The following CPQ variants were observed in gnomAD, a reference collection of about 807,000 sequenced individuals.
The protein encoded by CPQ is carboxypeptidase Q, also known as Ser-Met dipeptidase.
In CPQ, 37 loss-of-function variants were observed where a neutral mutation model predicts 45.7. That is an observed-to-expected ratio of 0.81 (90% CI 0.62 to 1.07). The LOEUF (loss-of-function observed/expected upper bound fraction) is 1.07. CPQ is among the 50% of genes least tolerant of loss of function. The probability of loss-of-function intolerance (pLI) is 0.00; values close to 1 mark genes in which losing one functional copy is unlikely to be tolerated. For synonymous variants in CPQ, 186 were observed against 205.8 expected (o/e 0.90, Z 0.82); for missense variants, 537 against 572.9 (o/e 0.94, Z 0.64).
intron 1 of CPQ, among the ~76,000 whole-genome samples, chr8:96,760,148 C>T (rs1330072804): frequency 6.6e-6 from 1 of 152,198 alleles, no homozygotes; most frequent in Non-Finnish European, 1.5e-5. Context: ...TCTCATGATT[C>T]CCTGAGCTGT....
intron 4 of CPQ, among the ~76,000 whole-genome samples, chr8:96,948,762 G>A (rs1376346777): frequency 1.3e-5 from 2 of 151,980 alleles, no homozygotes; most frequent in East Asian, 3.9e-4. Context: ...TACTATTACT[G>A]TATTGCTATC....
At chr8:97,001,721 CTTTTTTTT>C (rs61282246) in intron 5 of CPQ, among the ~76,000 whole-genome samples, 9 of 92,070 alleles carry the variant, frequency 9.8e-5, no homozygotes, top group South Asian at 4.1e-4. Flanking sequence ...TTCTTTCTTT[CTTTTTTTT>C]TTTTTTTTTT....
chr8:97,123,149 AAAT>A (rs1227768680), intron 7 of CPQ, among the ~76,000 whole-genome samples: 1 of 38,896 alleles, frequency 2.6e-5, no homozygotes, highest in African/African-American at 1.4e-4. Context: ...AAAATAAAAT[AAAT>A]AAAATAAAAT....
chr8:97,121,430 GT>G (rs1197906488), intron 7 of CPQ, among the ~76,000 whole-genome samples: 2 of 152,180 alleles, frequency 1.3e-5, no homozygotes, highest in Non-Finnish European at 2.9e-5. Flanking sequence ...GGGCCTTGGT[GT>G]AATAGTAAGG....
chr8:96,856,766 T>A (rs971150618), intron 3 of CPQ, among the ~76,000 whole-genome samples: 8 of 152,340 alleles, frequency 5.3e-5, no homozygotes, highest in Admixed American at 3.3e-4. Context: ...TTTTCATAAA[T>A]GCTGTGTTGA....
At position 97,129,833 on chromosome 8, in the gene CPQ, G is replaced by A. The variant is rs1035862553; in HGVS notation, c.1256-13187G>A. Among the ~76,000 whole-genome samples, 62 of 151,560 alleles carry A rather than the reference G, an allele frequency of 4.1e-4. 1 individual carries two copies. The highest frequency in any genetic ancestry group is 1.4e-3 in the African/African-American group (59 of 41,236). ...GAAAGTTCCGTGAGAGCAGGCATCT[G>A]GTAAATTATGCCCACCACTCTTTCC... On this transcript the variant is annotated intron_variant, in intron 7 of 7. Transcript: ENST00000220763.
intron 1 of CPQ, among the ~76,000 whole-genome samples, chr8:96,741,792 A>G (rs1405465000): frequency 1.3e-5 from 2 of 150,926 alleles, no homozygotes; most frequent in Non-Finnish European, 3.0e-5. Context: ...GTTTTGAGTG[A>G]GATTCTTAAT....
chr8:96,759,716 T>G (rs892971646), intron 1 of CPQ, among the ~76,000 whole-genome samples: 2 of 152,142 alleles, frequency 1.3e-5, no homozygotes, highest in Non-Finnish European at 2.9e-5. Context: ...TCCAAAGTCA[T>G]GCAGTGAGTA....
chr8:96,659,951 T>C (rs536969381), intron 1 of CPQ, among the ~76,000 whole-genome samples: 2 of 152,314 alleles, frequency 1.3e-5, no homozygotes, highest in East Asian at 3.9e-4. Context: ...TTGGATCATG[T>C]TACTTCCTCT....
rs192066891 is a variant in CPQ at position 96,928,434 on chromosome 8, C to G, written c.850-37501C>G. On this transcript the variant is annotated intron_variant, in intron 4 of 7. Coordinates refer to ENST00000220763, the MANE Select transcript of CPQ (RefSeq NM_016134.4). ...TTTGGTCCTGATATAAATGAGGGGA[C>G]TGCATGAGAGAGAGACAGACAGGGA... 1.4e-3 allele frequency among the ~76,000 whole-genome samples: 205 copies of G among 151,204 alleles called. 2 individuals carry two copies. Among genetic ancestry groups the G allele is most frequent in the Admixed American group, 0.01 (153 of 15,080 alleles).
At chr8:96,853,887 G>A (rs773627325) in intron 3 of CPQ, among the ~76,000 whole-genome samples, 12 of 152,082 alleles carry the variant, frequency 7.9e-5, no homozygotes, top group Non-Finnish European at 1.6e-4. Context: ...TACTTATCTG[G>A]AGGTTAAAGT....
At chr8:96,828,442 T>C (rs556691308) in intron 2 of CPQ, among the ~76,000 whole-genome samples, 1 of 151,992 alleles carries the variant, frequency 6.6e-6, no homozygotes, top group African/African-American at 2.4e-5. Flanking sequence ...CCAGCCAGTG[T>C]CTCCTAGTCA....
At chr8:97,093,800 T>C (rs969134284) in intron 7 of CPQ, among the ~76,000 whole-genome samples, 3 of 152,214 alleles carry the variant, frequency 2.0e-5, no homozygotes, top group African/African-American at 7.2e-5. Context: ...TTTAAAGTAA[T>C]CAATTTATCC....
At chr8:96,876,214 A>G (rs1246312244) in intron 3 of CPQ, among the ~76,000 whole-genome samples, 1 of 151,852 alleles carries the variant, frequency 6.6e-6, no homozygotes, top group Non-Finnish European at 1.5e-5. Flanking sequence ...TTGTGTGTGT[A>G]TGTGTGTTCC....
At chr8:96,855,305 A>G (rs1444088100) in intron 3 of CPQ, among the ~76,000 whole-genome samples, 1 of 152,116 alleles carries the variant, frequency 6.6e-6, no homozygotes, top group Non-Finnish European at 1.5e-5. Flanking sequence ...CCAGTTAGTC[A>G]CAGAAAGATA....
At chr8:96,928,537 C>T (rs994986919) in intron 4 of CPQ, among the ~76,000 whole-genome samples, 1 of 151,994 alleles carries the variant, frequency 6.6e-6, no homozygotes, top group African/African-American at 2.4e-5. Context: ...ATGCTTGTCT[C>T]TTTGCCTCTT....
intron 6 of CPQ, among the ~76,000 whole-genome samples, chr8:97,048,619 G>A (rs1346091292): frequency 6.6e-6 from 1 of 152,130 alleles, no homozygotes; most frequent in Non-Finnish European, 1.5e-5. Flanking sequence ...GAATGTATTG[G>A]AAAACTGCAC....
intron 1 of CPQ, among the ~76,000 whole-genome samples, chr8:96,684,573 C>G (rs1809200299): frequency 6.6e-6 from 1 of 152,076 alleles, no homozygotes; most frequent in South Asian, 2.1e-4. Flanking sequence ...GTCTTTAGGC[C>G]CCAGATGATG....
chr8:96,906,732 C>T (rs1812582699), intron 4 of CPQ, among the ~76,000 whole-genome samples: 1 of 152,180 alleles, frequency 6.6e-6, no homozygotes, highest in East Asian at 1.9e-4. Flanking sequence ...TCTCTGGGGC[C>T]TCTTTTATAA....
Sources: allele counts gnomAD v4.1 joint callset (sites outside exome capture counted in the v4.1 genomes callset), GRCh38; gene constraint gnomAD v4.1.1; transcripts MANE v1.5; gene names NCBI Gene and HGNC (gene_info 2026-07-23, HGNC 2026-07-21).